The following FGF12 variants were observed in gnomAD, a reference collection of about 807,000 sequenced individuals.
FGF12 encodes the protein fibroblast growth factor 12B.
Under a neutral mutation model 23.6 loss-of-function variants are expected in FGF12, and 14 were observed. That is an observed-to-expected ratio of 0.59 (90% CI 0.39 to 0.93). The LOEUF is 0.93. Among genes scored for constraint, FGF12 ranks in the 40% least tolerant of loss-of-function variants. FGF12 has a pLI of 0.00. For missense variants in FGF12, 175 were observed against 217.8 expected (o/e 0.80, Z 1.24); for synonymous variants, 62 against 77.3 (o/e 0.80, Z 1.04).
At chr3:192,413,145 A>G (rs1180553278) in intron 2 of FGF12, among the ~76,000 whole-genome samples, 2 of 152,204 alleles carry the variant, frequency 1.3e-5, no homozygotes, top group Non-Finnish European at 2.9e-5. Context: ...GGAAAAACAG[A>G]GGCTTTTTGG....
intron 2 of FGF12, among the ~76,000 whole-genome samples, chr3:192,606,695 C>T (rs936384269): frequency 2.0e-5 from 3 of 152,004 alleles, no homozygotes; most frequent in African/African-American, 7.2e-5. Context: ...CAGGAAGAAA[C>T]AAGGCTTAAG....
chr3:192,380,688 A>G (rs1423311977), intron 2 of FGF12, among the ~76,000 whole-genome samples: 1 of 152,086 alleles, frequency 6.6e-6, no homozygotes, highest in Admixed American at 6.6e-5. Context: ...GTAGAGTACA[A>G]CTTGTTAGAT....
At chr3:192,162,355 C>G (rs1714930252) in intron 5 of FGF12, among the ~76,000 whole-genome samples, 1 of 151,886 alleles carries the variant, frequency 6.6e-6, no homozygotes, top group Admixed American at 6.6e-5. Flanking sequence ...GAGATAACAA[C>G]TATAACGTTG....
rs924681317 is a variant in FGF12 at position 192,158,493 on chromosome 3, CCT to C, written c.427+11963_427+11964del. Among the ~76,000 whole-genome samples the C allele has an allele frequency of 9.6e-5, 14 of 145,914 alleles. No homozygotes were observed. In the South Asian group the frequency reaches 1.1e-3, roughly 11 times the overall value. ...CTCTTTGTCTCTCTCTCCCTTCCTTCCTCTCTCTTTCCTTTTTCTTTCTTCTT... is the reference window on the plus strand; with the variant it reads ...CTCTTTGTCTCTCTCTCCCTTCCTTCCTCTCTTTCCTTTTTCTTTCTTCTT... On this transcript the variant is annotated intron_variant, in intron 5 of 5. Coordinates refer to ENST00000445105, the MANE Select transcript of FGF12 (RefSeq NM_004113.6).
In FGF12 at chr3:192,514,334, C is replaced by A. The variant is rs1724589678; in HGVS notation, c.14-153796G>T. On this transcript the variant is annotated intron_variant, in intron 2 of 5. Transcript: ENST00000445105. The surrounding 1 kb of genome is among the most constrained non-coding windows in gnomAD (Gnocchi z 4.9). Reference sequence around the variant, plus strand: ...TGAACAACTCCAAGTCGCGCGCCGCCCTCGCAAATCGCAGAGAGGGCCGCG... The same window carrying A: ...TGAACAACTCCAAGTCGCGCGCCGCACTCGCAAATCGCAGAGAGGGCCGCG... Among the ~76,000 whole-genome samples, 1 of 152,244 alleles carries A rather than the reference C, an allele frequency of 6.6e-6. No individual in the cohort carries two copies. The highest frequency in any genetic ancestry group is 1.5e-5 in the Non-Finnish European group (1 of 68,042).
intron 4 of FGF12, among the ~76,000 whole-genome samples, chr3:192,194,491 T>G (rs1716961148): frequency 6.6e-6 from 1 of 152,208 alleles, no homozygotes; most frequent in Non-Finnish European, 1.5e-5. Flanking sequence ...CATATTACTC[T>G]GGATGAAATT....
chr3:192,396,113 G>A (rs1720508575), intron 2 of FGF12, among the ~76,000 whole-genome samples: 1 of 152,100 alleles, frequency 6.6e-6, no homozygotes, highest in Admixed American at 6.6e-5. Context: ...ACAGATTGTG[G>A]CTAAGTTTTT....
rs1046903057 is a variant in FGF12, at chr3:192,189,487, G to A, written c.229-18831C>T. Among the ~76,000 whole-genome samples, 23 of 152,184 alleles carry A rather than the reference G, an allele frequency of 1.5e-4. 1 individual carries two copies. In the South Asian group the frequency reaches 3.5e-3, roughly 23 times the overall value. ...CCTTCTCTCACCCCAAAATTTTTTT[G>A]TTGAAGCCCTATCCTCCCGGTACTT... On this transcript the variant is annotated intron_variant, in intron 4 of 5. Coordinates refer to ENST00000445105, the MANE Select transcript of FGF12 (RefSeq NM_004113.6).
At chr3:192,308,787 G>A (rs937025895) in intron 4 of FGF12, among the ~76,000 whole-genome samples, 1 of 152,130 alleles carries the variant, frequency 6.6e-6, no homozygotes, top group Non-Finnish European at 1.5e-5. Context: ...TTACTTGACG[G>A]AGCATTGGGT....
chr3:192,458,141 G>A (rs1321634867), intron 2 of FGF12, among the ~76,000 whole-genome samples: 5 of 152,204 alleles, frequency 3.3e-5, no homozygotes, highest in Admixed American at 6.5e-5. Flanking sequence ...ATGCCCAGGC[G>A]AAAGTTTGCT....
chr3:192,305,557 G>T (rs1029881203), intron 4 of FGF12, among the ~76,000 whole-genome samples: 1 of 151,362 alleles, frequency 6.6e-6, no homozygotes, highest in Non-Finnish European at 1.5e-5. Context: ...CAATATTCTG[G>T]CTTCCAGTGA....
chr3:192,172,419 AC>A (rs891904096), intron 4 of FGF12, among the ~76,000 whole-genome samples: 1 of 149,570 alleles, frequency 6.7e-6, no homozygotes, highest in African/African-American at 2.4e-5. Flanking sequence ...CCAAGAAAAC[AC>A]CCCCCAAAGA....
chr3:192,141,105 T>C lies in FGF12; in HGVS notation c.*2904A>G, dbSNP rs573051574. ...CATTACTAAAAGCCATATTTTTTCCTGGGAAAAATCCCAATGCAACTCCAA... is the reference window on the plus strand; with the variant it reads ...CATTACTAAAAGCCATATTTTTTCCCGGGAAAAATCCCAATGCAACTCCAA... On this transcript the variant is annotated 3_prime_UTR_variant, in exon 6 of 6. Transcript: ENST00000445105. 2 of 79,730 alleles carry C rather than the reference T, an allele frequency of 2.5e-5. No homozygotes were observed. Among genetic ancestry groups the C allele is most frequent in the African/African-American group, 5.1e-5 (1 of 19,508 alleles). The allele number at this position is 79,730 out of a possible 1,614,324, so 4.9% of individuals were successfully genotyped here.
At chr3:192,620,161 G>C (rs749372518) in intron 2 of FGF12, among the ~76,000 whole-genome samples, 1 of 151,932 alleles carries the variant, frequency 6.6e-6, no homozygotes, top group Non-Finnish European at 1.5e-5. Flanking sequence ...CCTCATCGAG[G>C]GGGACGTGAA....
chr3:192,488,977 GT>G (rs1188747910), intron 2 of FGF12, among the ~76,000 whole-genome samples: 3 of 152,130 alleles, frequency 2.0e-5, no homozygotes, highest in Admixed American at 1.3e-4. Flanking sequence ...TTTTGGATCT[GT>G]TAGCCTTATG....
intron 2 of FGF12, among the ~76,000 whole-genome samples, chr3:192,574,867 C>A (rs2108608611): frequency 6.6e-6 from 1 of 152,330 alleles, no homozygotes; most frequent in Non-Finnish European, 1.5e-5. Flanking sequence ...AGACCCTGAA[C>A]CAGAGCCACC....
chr3:192,340,853 C>A (rs531463841), intron 3 of FGF12, among the ~76,000 whole-genome samples: 4 of 151,904 alleles, frequency 2.6e-5, no homozygotes, highest in African/African-American at 9.7e-5. Context: ...AACTGTAAAA[C>A]CCATAGGAAA....
At position 192,657,980 on chromosome 3, in the gene FGF12, T is replaced by G. The variant is rs76458109; in HGVS notation, c.13+69201A>C. ...AATGAGTACCACGAGACTATTTGGG[T>G]TTTTTTTTTCACTCTATCATTGCTC... On this transcript the variant is annotated intron_variant, in intron 2 of 5. Coordinates refer to ENST00000445105, the MANE Select transcript of FGF12 (RefSeq NM_004113.6). Among the ~76,000 whole-genome samples the G allele has an allele frequency of 4.4e-4, 48 of 108,248 alleles. 1 individual carries two copies. In the South Asian group the frequency reaches 4.8e-3, roughly 11 times the overall value. 71.0% of individuals were successfully genotyped at this position (108,248 alleles called of 152,430 possible).
At chr3:192,303,992 T>G (rs115910930) in intron 4 of FGF12, among the ~76,000 whole-genome samples, 4,275 of 152,290 alleles carry the variant, frequency 0.028, 160 homozygotes, top group South Asian at 0.17. Flanking sequence ...TCATCTTTAT[T>G]TCCTCACCTG....
Sources: gnomAD v4.1 joint callset for allele counts (sites outside exome capture counted in the v4.1 genomes callset) on GRCh38, gnomAD v4.1.1 for gene constraint, Gnocchi (gnomAD v3.1) non-coding constraint, MANE v1.5 for transcripts, NCBI Gene and HGNC (gene_info 2026-07-23, HGNC 2026-07-21) for gene names.